CTTN: variants seen among roughly 807,000 people sequenced by gnomAD.
CTTN encodes cortactin, also known as src substrate cortactin.
A neutral mutation model predicts 84.0 loss-of-function variants in CTTN; 28 were observed. That is an observed-to-expected ratio of 0.33 (90% CI 0.25 to 0.46). The LOEUF is 0.46. Ranked by LOEUF, CTTN falls within the 20% of genes least tolerant of loss-of-function variation. The pLI, the probability that CTTN is intolerant of heterozygous loss-of-function variation, is 1.00. For synonymous variants in CTTN, 301 were observed against 288.8 expected, an observed-to-expected ratio of 1.04 and a Z score of -0.43; for missense variants, 641 against 723.8, an observed-to-expected ratio of 0.89 and a Z score of 1.31.
Position 70,421,489 on chromosome 11 carries a change from A to G in CTTN, c.810A>G (p.Gly270=). ...TTTCAGATTATAAGACTGGTTTTGG[A>G]GGCAAATTCGGTGTTCAGTCGGAGA... The part of the protein sequence containing the change: ...ESQKDYKTGF[G]GKFGVQSERQ... The change falls in exon 11 of 18, where the codon GGA becomes GGG. Residue 270 remains glycine, a synonymous_variant. Coordinates refer to ENST00000301843, the MANE Select transcript of CTTN (RefSeq NM_005231.4). 2.5e-6 allele frequency: 4 copies of G among 1,613,404 alleles called. No individual in the cohort carries two copies. The highest frequency in any genetic ancestry group is 2.5e-6 in the Non-Finnish European group (3 of 1,179,444).
At chr11:70,402,801 G>C (rs1302348048) in intron 1 of CTTN, among the ~76,000 whole-genome samples, 1 of 152,188 alleles carries the variant, frequency 6.6e-6, no homozygotes, top group East Asian at 1.9e-4. Flanking sequence ...TCACGCACAA[G>C]TTTTTGTGTG....
At chr11:70,415,612 A>G (rs760948385) in intron 6 of CTTN, 51 bp from the exon 7 acceptor site, 2 of 1,439,648 alleles carry the variant, frequency 1.4e-6, no homozygotes, top group Admixed American at 3.4e-5. Flanking sequence ...TGTTTCAGGG[A>G]CATTGGAAAG....
intron 1 of CTTN, among the ~76,000 whole-genome samples, chr11:70,403,419 C>T (rs1035632793): frequency 6.6e-6 from 1 of 152,022 alleles, no homozygotes; most frequent in Non-Finnish European, 1.5e-5. Context: ...GATCTCTTGA[C>T]CTAGTAATCC....
intron 3 of CTTN, 46 bp from the exon 4 acceptor site, chr11:70,407,472 T>G: frequency 6.2e-7 from 1 of 1,612,468 alleles, no homozygotes; most frequent in African/African-American, 1.3e-5. Context: ...GGTTTGTCTG[T>G]GTCACAATCC....
chr11:70,430,095 A>G (rs550242243), intron 14 of CTTN, among the ~76,000 whole-genome samples: 26 of 152,300 alleles, frequency 1.7e-4, no homozygotes, highest in African/African-American at 6.3e-4. Flanking sequence ...GAACCGTGCT[A>G]GGGTCTCAAG....
chr11:70,420,176 C>G (rs894430906), intron 9 of CTTN: 1 of 599,996 alleles, frequency 1.7e-6, no homozygotes, highest in Non-Finnish European at 3.0e-6. Context: ...TCCATGGGGT[C>G]CTGTCTGGCT....
intron 12 of CTTN, 50 bp from the exon 13 acceptor site, chr11:70,425,282 T>C (rs1426727598): frequency 1.4e-6 from 2 of 1,458,026 alleles, no homozygotes; most frequent in Admixed American, 3.7e-5. Flanking sequence ...CCACAGGGCA[T>C]GGAGAAAAGA....
intron 11 of CTTN, chr11:70,422,533 C>A (rs1230836955): frequency 2.3e-6 from 3 of 1,293,682 alleles, no homozygotes; most frequent in Non-Finnish European, 2.0e-6. Flanking sequence ...GCGATTGAGC[C>A]TCTTTTTAGC....
rs751371204 is a variant in CTTN at position 70,435,665 on chromosome 11, C to A, written c.*503C>A. ...GGGCCTGATGGAAGTTAACCCGGAG[C>A]TAAGTCACCCAGAGCACAGGAGCTG... is the stretch of plus-strand genomic sequence containing the variant. On this transcript the variant is annotated 3_prime_UTR_variant, in exon 18 of 18. Coordinates refer to ENST00000301843, the MANE Select transcript of CTTN (RefSeq NM_005231.4). 1.9e-6 allele frequency: 3 copies of A among 1,597,018 alleles called. No homozygotes were observed. The highest frequency in any genetic ancestry group is 2.5e-6 in the Non-Finnish European group (3 of 1,179,262).
At position 70,430,896 on chromosome 11, in the gene CTTN, G is replaced by T. The variant is rs141997318; in HGVS notation, c.1177-295G>T. Among the ~76,000 whole-genome samples the T allele has an allele frequency of 2.6e-5, 4 of 151,974 alleles. No homozygotes were observed. The East Asian group carries it at 7.8e-4, about 30-fold the overall frequency. ...AGAGCACACCTGCCCCTCGAATCCT[G>T]CCTAGGTGCTGGTGGGATCTGAGGC... On this transcript the variant is annotated intron_variant, in intron 14 of 17. Coordinates refer to ENST00000301843, the MANE Select transcript of CTTN (RefSeq NM_005231.4).
intron 15 of CTTN, 82 bp downstream of exon 15, chr11:70,431,362 T>G: frequency 7.0e-7 from 1 of 1,431,146 alleles, no homozygotes; most frequent in Non-Finnish European, 9.8e-7. Flanking sequence ...AGGAAGCCCT[T>G]GCAGGCAGGC....
At chr11:70,419,677 G>T in intron 8 of CTTN, 69 bp from the exon 9 acceptor site, 1 of 1,342,188 alleles carries the variant, frequency 7.5e-7, no homozygotes, top group South Asian at 1.3e-5. Flanking sequence ...TTAATCAAAG[G>T]ATAAAATACT....
intron 8 of CTTN, among the ~76,000 whole-genome samples, chr11:70,419,238 G>A (rs1370567646): frequency 1.3e-5 from 2 of 151,494 alleles, no homozygotes; most frequent in African/African-American, 2.4e-5. Flanking sequence ...AGCCTCCCGA[G>A]TAGCTGGGAT....
At chr11:70,425,802 G>A (rs576029179) in intron 13 of CTTN, among the ~76,000 whole-genome samples, 99 of 152,360 alleles carry the variant, frequency 6.5e-4, no homozygotes, top group Middle Eastern at 3.4e-3. Flanking sequence ...GGCGACAGCA[G>A]ACATTCTCTC....
chr11:70,410,191 G>A, intron 5 of CTTN: 1 of 453,562 alleles, frequency 2.2e-6, no homozygotes, highest in Non-Finnish European at 4.0e-6. Context: ...GGTGTTAGTG[G>A]GGAGGCCCAG....
intron 6 of CTTN, 40 bp downstream of exon 6, chr11:70,414,692 AGG>A (rs748882953): frequency 4.1e-6 from 6 of 1,473,528 alleles, no homozygotes; most frequent in Non-Finnish European, 5.7e-6. Flanking sequence ...GGTTGGGGCA[AGG>A]GGGGCGTTCC....
Position 70,435,309 on chromosome 11 carries a change from T to C in CTTN, c.*147T>C, listed in dbSNP as rs1591455357. The stretch of plus-strand genomic sequence containing the variant: ...TGGGGAGGGGAATATACACATTGCT[T>C]TTATATTTAATACTTTTGCTGATGC... On this transcript the variant is annotated 3_prime_UTR_variant, in exon 18 of 18. Transcript: ENST00000301843. 4 of 1,435,710 alleles carry C rather than the reference T, an allele frequency of 2.8e-6. No homozygotes were observed. The highest frequency in any genetic ancestry group is 5.0e-5 in the East Asian group (2 of 39,790). The allele number at this position is 1,435,710 out of a possible 1,614,324, so 88.9% of individuals were successfully genotyped here.
In CTTN at chr11:70,407,647, T is replaced by C. The variant is rs1449495619; in HGVS notation, c.161+56T>C. The C allele has an allele frequency of 2.6e-6, 4 of 1,536,012 alleles. No individual in the cohort carries two copies. The African/African-American group carries it at 5.4e-5, about 21-fold the overall frequency. The stretch of plus-strand genomic sequence containing the variant: ...GCCCCTCTGCGGATGGAGCCCCAGG[T>C]GCAACAGGGCCCATGGTCATCTGTG... On this transcript the variant is annotated intron_variant, in intron 4 of 17. Coordinates refer to ENST00000301843, the MANE Select transcript of CTTN (RefSeq NM_005231.4).
intron 7 of CTTN, chr11:70,416,044 G>C: frequency 3.2e-6 from 1 of 313,556 alleles, no homozygotes; most frequent in Admixed American, 4.6e-5. Context: ...TCCTGGAAAA[G>C]AGAGCTCACA....
Sources: gnomAD v4.1 joint callset for allele counts (sites outside exome capture counted in the v4.1 genomes callset) on GRCh38, gnomAD v4.1.1 for gene constraint, MANE v1.5 for transcripts, NCBI Gene and HGNC (gene_info 2026-07-23, HGNC 2026-07-21) for gene names.